Variants in PRKAG2 observed in about 807,000 individuals in gnomAD.
PRKAG2 encodes 5'-AMP-activated protein kinase subunit gamma-2.
In PRKAG2, 26 loss-of-function variants were observed where a neutral mutation model predicts 69.6. The observed-to-expected ratio is 0.37, with a 90% CI of 0.27 to 0.52. The LOEUF (loss-of-function observed/expected upper bound fraction) is 0.52. PRKAG2 is among the 20% of genes least tolerant of loss of function. The pLI is 0.90. For missense variants in PRKAG2, 557 were observed against 740.0 expected, an observed-to-expected ratio of 0.75 and a Z score of 2.87; for synonymous variants, 293 against 285.0, an observed-to-expected ratio of 1.03 and a Z score of -0.28.
chr7:151,714,482 T>A (rs926025332), intron 3 of PRKAG2, among the ~76,000 whole-genome samples: 1 of 138,154 alleles, frequency 7.2e-6, no homozygotes, highest in Non-Finnish European at 1.5e-5. Context: ...CATCCTCCCA[T>A]CCACGCACCA....
At chr7:151,868,039 T>C (rs568561288) in intron 1 of PRKAG2, among the ~76,000 whole-genome samples, 43 of 152,270 alleles carry the variant, frequency 2.8e-4, no homozygotes, top group African/African-American at 1.0e-3. Flanking sequence ...CGGAGCAAAC[T>C]GGTCTTTGTC....
chr7:151,760,694 A>C (rs530033265), intron 3 of PRKAG2, among the ~76,000 whole-genome samples: 1 of 152,108 alleles, frequency 6.6e-6, no homozygotes, highest in South Asian at 2.1e-4. Context: ...ATTCCATCCA[A>C]AGCAGCACCC....
chr7:151,561,567 CA>C (rs1394928498), intron 14 of PRKAG2, among the ~76,000 whole-genome samples: 1 of 152,228 alleles, frequency 6.6e-6, no homozygotes, highest in African/African-American at 2.4e-5. Flanking sequence ...TGAGTGACGG[CA>C]GAGCGTTTTG....
rs1480627454 is a variant in PRKAG2 at position 151,736,035 on chromosome 7, A to G, written c.466+45117T>C. 6 of 1,535,796 alleles carry G rather than the reference A, an allele frequency of 3.9e-6. No individual in the cohort carries two copies. The African/African-American group carries it at 6.8e-5, about 18-fold the overall frequency. On this transcript the variant is annotated intron_variant, in intron 3 of 15. Transcript: ENST00000287878. Reference sequence around the variant, plus strand: ...AGGAGTGGCGACAGGTGAACATATCAGGACCCACAGAACCGGTGTCAGCCC... The same window carrying G: ...AGGAGTGGCGACAGGTGAACATATCGGGACCCACAGAACCGGTGTCAGCCC...
intron 3 of PRKAG2, among the ~76,000 whole-genome samples, chr7:151,724,188 G>A (rs947532691): frequency 1.2e-4 from 18 of 152,148 alleles, no homozygotes; most frequent in African/African-American, 2.9e-4. Flanking sequence ...ACTTCTGCCC[G>A]TAAGTTCCCC....
intron 9 of PRKAG2, among the ~76,000 whole-genome samples, chr7:151,571,792 G>C (rs1807641473): frequency 6.6e-6 from 1 of 152,114 alleles, no homozygotes; most frequent in Non-Finnish European, 1.5e-5. Flanking sequence ...GGCCCCTGGG[G>C]GTGTAAGAGA....
chr7:151,712,654 C>G (rs569090804), intron 3 of PRKAG2, among the ~76,000 whole-genome samples: 1 of 152,224 alleles, frequency 6.6e-6, no homozygotes, highest in Non-Finnish European at 1.5e-5. Flanking sequence ...CACAATCAGG[C>G]TCCTGTTGCC....
At chr7:151,872,159 T>C (rs553626548) in intron 1 of PRKAG2, among the ~76,000 whole-genome samples, 2 of 152,250 alleles carry the variant, frequency 1.3e-5, no homozygotes, top group Admixed American at 6.5e-5. Flanking sequence ...TTATCCCAAA[T>C]ACCTCCACAT....
intron 4 of PRKAG2, among the ~76,000 whole-genome samples, chr7:151,658,954 T>C (rs1447348256): frequency 6.6e-6 from 1 of 152,240 alleles, no homozygotes; most frequent in African/African-American, 2.4e-5. Flanking sequence ...GGGAAGGGAA[T>C]GCAATATAAT....
intron 7 of PRKAG2, 27 bp downstream of exon 7, chr7:151,576,344 G>T: frequency 6.5e-7 from 1 of 1,547,028 alleles, no homozygotes; most frequent in South Asian, 1.1e-5. Flanking sequence ...TTCCATTTTC[G>T]ATTTTCCTCA....
Position 151,850,889 on chromosome 7 carries a change from T to C in PRKAG2, c.114+25618A>G, listed in dbSNP as rs536574075. 6.6e-6 allele frequency among the ~76,000 whole-genome samples: 1 copy of C among 152,186 alleles called. No individual in the cohort carries two copies. On this transcript the variant is annotated intron_variant, in intron 1 of 15. Transcript: ENST00000287878. The surrounding 1 kb of genome is among the most constrained non-coding windows in gnomAD (Gnocchi z 4.1). The stretch of plus-strand genomic sequence containing the variant: ...GAAAGCCGAGTCTGACAACACGGAA[T>C]AAGAAGTCCTCGATGAGCCGCCGCA...
intron 9 of PRKAG2, among the ~76,000 whole-genome samples, chr7:151,571,841 G>A (rs74378494): frequency 0.026 from 4,008 of 152,244 alleles, 151 homozygotes; most frequent in East Asian, 0.17. Flanking sequence ...CAGCTACAAA[G>A]GTTGCTTCTC....
rs554833503 is a variant in PRKAG2 at position 151,748,878 on chromosome 7, T to A, written c.466+32274A>T. Among the ~76,000 whole-genome samples, 14 of 152,270 alleles carry A rather than the reference T, an allele frequency of 9.2e-5. No individual in the cohort carries two copies. The South Asian group carries it at 1.0e-3, about 11-fold the overall frequency. On this transcript the variant is annotated intron_variant, in intron 3 of 15. Coordinates refer to ENST00000287878, the MANE Select transcript of PRKAG2 (RefSeq NM_016203.4). The stretch of plus-strand genomic sequence containing the variant: ...CCCGCCGCGCCCGCAGCCAGAGAGA[T>A]GAGCTGGGCACTTTCACCCAACCTG...
chr7:151,626,389 A>G (rs1255380256), intron 5 of PRKAG2, among the ~76,000 whole-genome samples: 1 of 152,220 alleles, frequency 6.6e-6, no homozygotes, highest in Non-Finnish European at 1.5e-5. Context: ...AATATGTTAC[A>G]TATGGCGCCA....
chr7:151,808,346 C>T (rs757363428), intron 1 of PRKAG2, among the ~76,000 whole-genome samples: 9 of 152,070 alleles, frequency 5.9e-5, no homozygotes, highest in Non-Finnish European at 1.3e-4. Flanking sequence ...ATTTACTTAT[C>T]TCTCTTCATG....
Position 151,699,085 on chromosome 7 carries a change from G to C in PRKAG2, c.467-23448C>G, listed in dbSNP as rs1329331964. ...AATGACCTGCAAGTCTGCAGAGCCA[G>C]TCTGCAAACTCTGGGGAGCACCCCT... is the stretch of plus-strand genomic sequence containing the variant. On this transcript the variant is annotated intron_variant, in intron 3 of 15. Transcript: ENST00000287878. This position sits in a 1 kb window ranked among gnomAD's most constrained non-coding sequence, Gnocchi z 4.5. Among the ~76,000 whole-genome samples, 1 of 152,222 alleles carries C rather than the reference G, an allele frequency of 6.6e-6. No homozygotes were observed. Among genetic ancestry groups the C allele is most frequent in the African/African-American group, 2.4e-5 (1 of 41,460 alleles).
At chr7:151,813,089 T>G (rs964923942) in intron 1 of PRKAG2, among the ~76,000 whole-genome samples, 1 of 152,146 alleles carries the variant, frequency 6.6e-6, no homozygotes, top group African/African-American at 2.4e-5. Context: ...CCAGGGTGTG[T>G]GGAGCCCCAG....
chr7:151,742,968 G>A (rs539019938), intron 3 of PRKAG2, among the ~76,000 whole-genome samples: 2 of 152,174 alleles, frequency 1.3e-5, no homozygotes, highest in African/African-American at 4.8e-5. Flanking sequence ...AGGGGCTGAG[G>A]ACCCTTCTTC....
chr7:151,576,891 T>G (rs562218737), intron 6 of PRKAG2, among the ~76,000 whole-genome samples: 1 of 152,334 alleles, frequency 6.6e-6, no homozygotes, highest in African/African-American at 2.4e-5. Flanking sequence ...ATAATGGAAT[T>G]TATTAACATT....
Sources: allele counts gnomAD v4.1 joint callset (sites outside exome capture counted in the v4.1 genomes callset), GRCh38; gene constraint gnomAD v4.1.1; non-coding constraint Gnocchi (gnomAD v3.1); transcripts MANE v1.5; gene names NCBI Gene and HGNC (gene_info 2026-07-23, HGNC 2026-07-21).